HS2ST1: variants seen among roughly 807,000 people sequenced by gnomAD.
HS2ST1 encodes heparan sulfate 2-O-sulfotransferase 1, also known as 2-O-sulfotransferase.
A neutral mutation model predicts 42.9 loss-of-function variants in HS2ST1; 18 were observed. The ratio of observed to expected loss-of-function variants is 0.42; its 90% CI spans 0.29 to 0.62. The LOEUF (loss-of-function observed/expected upper bound fraction) is 0.62. HS2ST1 is among the 20% of genes least tolerant of loss of function. The pLI, the probability that HS2ST1 is intolerant of heterozygous loss-of-function variation, is 0.21. For synonymous variants in HS2ST1, 146 were observed against 152.9 expected (o/e 0.95, Z 0.33); for missense variants, 334 against 433.8 (o/e 0.77, Z 2.04).
At chr1:86,993,172 C>G (rs781114426) in intron 1 of HS2ST1, 50 of 1,575,872 alleles carry the variant, frequency 3.2e-5, no homozygotes, top group Non-Finnish European at 4.2e-5. Flanking sequence ...CATCAACTGA[C>G]TTTCATTTCA....
At chr1:86,916,599 A>G (rs1660162723) in intron 1 of HS2ST1, among the ~76,000 whole-genome samples, 1 of 152,188 alleles carries the variant, frequency 6.6e-6, no homozygotes, top group South Asian at 2.1e-4. Flanking sequence ...AGAGATACTC[A>G]GTTTATTTAC....
At chr1:86,949,524 A>G (rs1195792929) in intron 1 of HS2ST1, among the ~76,000 whole-genome samples, 1 of 152,192 alleles carries the variant, frequency 6.6e-6, no homozygotes, top group Admixed American at 6.5e-5. Flanking sequence ...GAGCTGAGAT[A>G]GAGCCACTGC....
chr1:87,085,324 TAAAAG>T (rs1212740949), intron 3 of HS2ST1, among the ~76,000 whole-genome samples: 1 of 152,060 alleles, frequency 6.6e-6, no homozygotes, highest in South Asian at 2.1e-4. Flanking sequence ...AAATTTAAAA[TAAAAG>T]TGATATCCCA....
rs570734672 is a variant in HS2ST1, at chr1:86,970,716, C to T, written c.124+55556C>T. 7.2e-4 allele frequency among the ~76,000 whole-genome samples: 109 copies of T among 152,106 alleles called. 1 individual carries two copies. The highest frequency in any genetic ancestry group is 2.4e-3 in the African/African-American group (98 of 41,502). Reference sequence around the variant, plus strand: ...GCCTGTAATTTTTATTTAATTTTTCCGGTGATGGCATGAGTGAATGTCCAC... The same window carrying T: ...GCCTGTAATTTTTATTTAATTTTTCTGGTGATGGCATGAGTGAATGTCCAC... On this transcript the variant is annotated intron_variant, in intron 1 of 6. Transcript: ENST00000370550.
intron 1 of HS2ST1, among the ~76,000 whole-genome samples, chr1:86,929,026 A>G (rs1212321142): frequency 6.6e-6 from 1 of 151,906 alleles, no homozygotes; most frequent in Non-Finnish European, 1.5e-5. Flanking sequence ...CATTTAGACA[A>G]TAACTAACAG....
Position 87,104,704 on chromosome 1 carries a change from G to A in HS2ST1, c.*8G>A, listed in dbSNP as rs1028395110. On this transcript the variant is annotated 3_prime_UTR_variant, in exon 7 of 7. Coordinates refer to ENST00000370550, the MANE Select transcript of HS2ST1 (RefSeq NM_012262.4). Reference sequence around the variant, plus strand: ...TACCCTAAGTCGAACTGAGTATAAGGTGTGACTATTGGATTCTTGAACTAA... The same window carrying A: ...TACCCTAAGTCGAACTGAGTATAAGATGTGACTATTGGATTCTTGAACTAA... 5.2e-6 allele frequency: 8 copies of A among 1,544,680 alleles called. No homozygotes were observed. The highest frequency in any genetic ancestry group is 1.1e-5 in the South Asian group (1 of 89,478).
At chr1:86,963,299 T>C (rs934774669) in intron 1 of HS2ST1, among the ~76,000 whole-genome samples, 3 of 152,142 alleles carry the variant, frequency 2.0e-5, no homozygotes, top group South Asian at 2.1e-4. Context: ...AGGCAGAGGA[T>C]CCTGCGGCCT....
chr1:87,101,409 G>T (rs183990418), intron 5 of HS2ST1, among the ~76,000 whole-genome samples: 1 of 151,786 alleles, frequency 6.6e-6, no homozygotes, highest in Non-Finnish European at 1.5e-5. Flanking sequence ...CAGGTAATCC[G>T]CCTGTCTCGG....
intron 1 of HS2ST1, among the ~76,000 whole-genome samples, chr1:86,970,832 A>C (rs1454144464): frequency 6.6e-6 from 1 of 152,200 alleles, no homozygotes; most frequent in African/African-American, 2.4e-5. Flanking sequence ...CAGAAATGCA[A>C]ATCTAGAGGA....
At chr1:86,956,332 G>A (rs1226623797) in intron 1 of HS2ST1, among the ~76,000 whole-genome samples, 2 of 152,190 alleles carry the variant, frequency 1.3e-5, no homozygotes, top group Admixed American at 6.5e-5. Flanking sequence ...GAACCTGCAG[G>A]CAAAGCCAGG....
At chr1:87,029,624 A>G (rs566959540) in intron 1 of HS2ST1, among the ~76,000 whole-genome samples, 41 of 152,364 alleles carry the variant, frequency 2.7e-4, no homozygotes, top group Admixed American at 9.8e-4. Context: ...ACACCATGTC[A>G]TGTACAGTTT....
intron 1 of HS2ST1, among the ~76,000 whole-genome samples, chr1:86,995,218 C>A (rs1473209870): frequency 6.6e-6 from 1 of 152,084 alleles, no homozygotes; most frequent in Non-Finnish European, 1.5e-5. Context: ...TATTTGTTTT[C>A]AAAAGTATGC....
At chr1:87,044,591 A>G (rs1650599508) in intron 1 of HS2ST1, among the ~76,000 whole-genome samples, 1 of 152,252 alleles carries the variant, frequency 6.6e-6, no homozygotes, top group African/African-American at 2.4e-5. Flanking sequence ...CATGATATTT[A>G]TAACCAGGTA....
At chr1:86,970,854 C>G (rs1188068031) in intron 1 of HS2ST1, among the ~76,000 whole-genome samples, 1 of 152,166 alleles carries the variant, frequency 6.6e-6, no homozygotes, top group South Asian at 2.1e-4. Flanking sequence ...TTAAAATGTA[C>G]ATGAAAACTC....
At chr1:86,972,649 G>T in intron 1 of HS2ST1, among the ~76,000 whole-genome samples, 1 of 152,212 alleles carries the variant, frequency 6.6e-6, no homozygotes, top group East Asian at 1.9e-4. Flanking sequence ...TCCACTGGGG[G>T]TCTTGGGGCG....
chr1:86,943,924 G>T (rs1647251412), intron 1 of HS2ST1, among the ~76,000 whole-genome samples: 1 of 152,062 alleles, frequency 6.6e-6, no homozygotes, highest in African/African-American at 2.4e-5. Flanking sequence ...TACTTGGGAG[G>T]CTGAGGCAGG....
chr1:86,984,635 A>G (rs1648702095), intron 1 of HS2ST1, among the ~76,000 whole-genome samples: 1 of 152,210 alleles, frequency 6.6e-6, no homozygotes, highest in Non-Finnish European at 1.5e-5. Context: ...CTGTAATCCC[A>G]GCACTTTGGG....
intron 1 of HS2ST1, chr1:87,045,631 A>T (rs986311061): frequency 1.7e-5 from 13 of 776,130 alleles, no homozygotes; most frequent in East Asian, 7.3e-5. Context: ...ATTTTTCCTG[A>T]TAAGATCTTC....
At chr1:86,925,955 T>C (rs1660408315) in intron 1 of HS2ST1, among the ~76,000 whole-genome samples, 1 of 152,212 alleles carries the variant, frequency 6.6e-6, no homozygotes, top group Non-Finnish European at 1.5e-5. Context: ...TATTTTACCT[T>C]GCTAGGTCCT....
Sources: gnomAD v4.1 joint callset for allele counts (sites outside exome capture counted in the v4.1 genomes callset) on GRCh38, gnomAD v4.1.1 for gene constraint, MANE v1.5 for transcripts, NCBI Gene and HGNC (gene_info 2026-07-23, HGNC 2026-07-21) for gene names.